The following RNF13 variants were observed in gnomAD, a reference collection of about 807,000 sequenced individuals.
RNF13 encodes the protein ring finger protein 13, also known as E3 ubiquitin-protein ligase RNF13.
RNF13 carries 19 observed loss-of-function variants against 37.7 expected under a neutral mutation model. That is an observed-to-expected ratio of 0.50 (90% CI 0.35 to 0.74). The LOEUF (loss-of-function observed/expected upper bound fraction) is 0.74, where lower values mean the gene tolerates loss of function less well. Among genes scored for constraint, RNF13 ranks in the 30% least tolerant of loss-of-function variants. The pLI is 0.01. For missense variants in RNF13, 375 were observed against 453.0 expected, an observed-to-expected ratio of 0.83 and a Z score of 1.56; for synonymous variants, 144 against 157.8, an observed-to-expected ratio of 0.91 and a Z score of 0.65.
In RNF13 at chr3:149,919,332, A is replaced by C. The variant is rs961059001; in HGVS notation, c.607-1802A>C. 3.9e-5 allele frequency among the ~76,000 whole-genome samples: 6 copies of C among 152,158 alleles called. 1 individual carries two copies. Among genetic ancestry groups the C allele is most frequent in the Admixed American group, 2.6e-4 (4 of 15,264 alleles). On this transcript the variant is annotated intron_variant, in intron 7 of 9. Coordinates refer to ENST00000392894, the MANE Select transcript of RNF13 (RefSeq NM_183381.3). ...CCACCACCACAATCAAGATAATGAA[A>C]TATTAACCACCCTAAAAAGTTTGGC...
At chr3:149,895,329 C>G (rs2108490802) in intron 4 of RNF13, 144 bp from the exon 5 acceptor site, 1 of 538,148 alleles carries the variant, frequency 1.9e-6, no homozygotes, top group Middle Eastern at 5.2e-4. Context: ...TAGAGCAAAA[C>G]AGATTAATGC....
At chr3:149,889,173 A>G (rs1243683886) in intron 4 of RNF13, among the ~76,000 whole-genome samples, 8 of 147,430 alleles carry the variant, frequency 5.4e-5, no homozygotes, top group East Asian at 4.2e-4. Context: ...TCTTGACCTC[A>G]TGATCCCCCC....
intron 1 of RNF13, among the ~76,000 whole-genome samples, chr3:149,827,314 T>G (rs1720601109): frequency 6.6e-6 from 1 of 152,214 alleles, no homozygotes; most frequent in Non-Finnish European, 1.5e-5. Context: ...ATACCATCTG[T>G]GGTAAGGAAC....
At position 149,832,525 on chromosome 3, in the gene RNF13, A is replaced by G. The variant is rs557891489; in HGVS notation, c.-16-13486A>G. Among the ~76,000 whole-genome samples, 6 of 152,300 alleles carry G rather than the reference A, an allele frequency of 3.9e-5. No homozygotes were observed. The South Asian group carries it at 1.2e-3, about 32-fold the overall frequency. On this transcript the variant is annotated intron_variant, in intron 1 of 9. Coordinates refer to ENST00000392894, the MANE Select transcript of RNF13 (RefSeq NM_183381.3). ...TCATTTATCCTCCAAAACCATACAG[A>G]TAATCATGTGTACCAGCCAGTTTGC... is the stretch of plus-strand genomic sequence containing the variant.
chr3:149,889,969 C>T (rs1224636907), intron 4 of RNF13, among the ~76,000 whole-genome samples: 4 of 152,194 alleles, frequency 2.6e-5, no homozygotes, highest in African/African-American at 7.2e-5. Flanking sequence ...GCTATCGCGC[C>T]CGGCCTGAAC....
intron 8 of RNF13, among the ~76,000 whole-genome samples, chr3:149,921,813 C>A (rs1349863143): frequency 6.6e-6 from 1 of 151,944 alleles, no homozygotes; most frequent in East Asian, 1.9e-4. Flanking sequence ...GGGTATATAC[C>A]CTGTAATGGG....
intron 5 of RNF13, among the ~76,000 whole-genome samples, chr3:149,901,730 G>A (rs954719599): frequency 2.0e-5 from 3 of 152,116 alleles, no homozygotes; most frequent in Admixed American, 2.0e-4. Flanking sequence ...TTATGTGTGG[G>A]AAGAAAACCT....
In RNF13 at chr3:149,846,142, T is replaced by A. The variant is rs777368723; in HGVS notation, c.114+2T>A. The A allele has an allele frequency of 6.4e-7, 1 of 1,561,898 alleles. No individual in the cohort carries two copies. Among genetic ancestry groups the A allele is most frequent in the South Asian group, 1.1e-5 (1 of 88,510 alleles). ...CCTGTAGAAGCAGACATTTTAGCAGTAAGTACAGTAAAATTTATTCATGTC... is the reference window on the plus strand; with the variant it reads ...CCTGTAGAAGCAGACATTTTAGCAGAAAGTACAGTAAAATTTATTCATGTC... On this transcript the variant is annotated splice_donor_variant, in intron 2 of 9. Transcript: ENST00000392894. LOFTEE classifies it high-confidence loss of function.
chr3:149,831,003 CA>C (rs1489268668), intron 1 of RNF13, among the ~76,000 whole-genome samples: 2 of 152,218 alleles, frequency 1.3e-5, no homozygotes, highest in Non-Finnish European at 2.9e-5. Context: ...TGTTGAGCTG[CA>C]AGGTGCACAG....
chr3:149,889,971 G>A (rs1052249603), intron 4 of RNF13, among the ~76,000 whole-genome samples: 4 of 152,116 alleles, frequency 2.6e-5, no homozygotes, highest in African/African-American at 9.7e-5. Context: ...TATCGCGCCC[G>A]GCCTGAACAT....
intron 3 of RNF13, among the ~76,000 whole-genome samples, chr3:149,856,039 G>T (rs1723613532): frequency 6.6e-6 from 1 of 151,580 alleles, no homozygotes; most frequent in Non-Finnish European, 1.5e-5. Context: ...TCTTATTGGT[G>T]CTCCTCAATT....
At chr3:149,917,321 T>C (rs1233139440) in intron 7 of RNF13, 1 of 152,224 alleles carries the variant, frequency 6.6e-6, no homozygotes, top group Admixed American at 6.5e-5. Context: ...TCTTTGTCTA[T>C]ATCTAAGTGG....
chr3:149,822,416 A>G (rs1020975397), intron 1 of RNF13: 1 of 151,978 alleles, frequency 6.6e-6, no homozygotes, highest in Non-Finnish European at 1.5e-5. Flanking sequence ...TCTTAATTTA[A>G]TTTTTGGATA....
chr3:149,832,058 C>T (rs1258179003), intron 1 of RNF13, among the ~76,000 whole-genome samples: 1 of 151,900 alleles, frequency 6.6e-6, no homozygotes, highest in Admixed American at 6.6e-5. Flanking sequence ...TCTGTTAGTG[C>T]TTGGTACAGT....
chr3:149,882,407 AC>A (rs1393379710), intron 4 of RNF13, among the ~76,000 whole-genome samples: 6 of 152,194 alleles, frequency 3.9e-5, no homozygotes, highest in African/African-American at 1.4e-4. Context: ...ACTTTAAACA[AC>A]TATTTATATG....
intron 3 of RNF13, among the ~76,000 whole-genome samples, chr3:149,871,279 T>G (rs965474301): frequency 2.0e-5 from 3 of 151,708 alleles, no homozygotes; most frequent in Non-Finnish European, 4.4e-5. Context: ...TGACTTCAGG[T>G]GATCCATCTG....
At chr3:149,839,480 G>A (rs1721951695) in intron 1 of RNF13, among the ~76,000 whole-genome samples, 1 of 144,810 alleles carries the variant, frequency 6.9e-6, no homozygotes. Context: ...TACATGGCTG[G>A]AGAGGCCTCA....
chr3:149,850,932 T>C (rs1298765294), intron 2 of RNF13, among the ~76,000 whole-genome samples: 1 of 152,202 alleles, frequency 6.6e-6, no homozygotes, highest in East Asian at 1.9e-4. Flanking sequence ...ATATGAATTA[T>C]TGTTGCAATG....
At chr3:149,861,844 A>T (rs1309656752) in intron 3 of RNF13, among the ~76,000 whole-genome samples, 2 of 152,168 alleles carry the variant, frequency 1.3e-5, no homozygotes, top group African/African-American at 4.8e-5. Context: ...TTCCTCAAGT[A>T]TCCTGACTTG....
Sources: allele counts gnomAD v4.1 joint callset (sites outside exome capture counted in the v4.1 genomes callset), GRCh38; gene constraint gnomAD v4.1.1; transcripts MANE v1.5; gene names NCBI Gene and HGNC (gene_info 2026-07-23, HGNC 2026-07-21).